The following PACS1 variants were observed in gnomAD, a reference collection of about 807,000 sequenced individuals.
The protein encoded by PACS1 is PACS-1.
PACS1 carries 24 observed loss-of-function variants against 115.0 expected under a neutral mutation model. The ratio of observed to expected loss-of-function variants is 0.21; its 90% CI spans 0.15 to 0.29. The LOEUF (loss-of-function observed/expected upper bound fraction) is 0.29, where lower values mean the gene tolerates loss of function less well. Ranked by LOEUF, PACS1 falls within the 10% of genes least tolerant of loss-of-function variation. PACS1 has a pLI of 1.00. For synonymous variants in PACS1, 453 were observed against 504.5 expected (o/e 0.90, Z 1.37); for missense variants, 838 against 1,251.2 (o/e 0.67, Z 4.98).
At chr11:66,128,395 T>C (rs980777742) in intron 1 of PACS1, among the ~76,000 whole-genome samples, 7 of 152,162 alleles carry the variant, frequency 4.6e-5, no homozygotes, top group African/African-American at 1.7e-4. Context: ...TATTGAAATA[T>C]TTACATATGA....
rs1355368163 is a variant in PACS1 at position 66,070,926 on chromosome 11, G to T, written c.356+84G>T. 7.8e-7 allele frequency: 1 copy of T among 1,286,658 alleles called. No homozygotes were observed. Among genetic ancestry groups the T allele is most frequent in the Non-Finnish European group, 1.0e-6 (1 of 1,001,730 alleles). The allele number at this position is 1,286,658 out of a possible 1,614,324, so 79.7% of individuals were successfully genotyped here. ...CCCTCCCCGCCCCAGCGCCCATGGG[G>T]TCCCCGCCCTCCATCTCCCCGACTG... On this transcript the variant is annotated intron_variant, in intron 1 of 23. Transcript: ENST00000320580. This position sits in a 1 kb window ranked among gnomAD's most constrained non-coding sequence, Gnocchi z 5.9.
chr11:66,233,714 A>G lies in PACS1; in HGVS notation c.1839-71A>G. 6.8e-7 allele frequency: 1 copy of G among 1,465,334 alleles called. No homozygotes were observed. The highest frequency in any genetic ancestry group is 1.4e-5 in the African/African-American group (1 of 70,740). The allele number at this position is 1,465,334 out of a possible 1,614,324, so 90.8% of individuals were successfully genotyped here. The stretch of plus-strand genomic sequence containing the variant: ...TGGGTTGTTGAGATCACAGAAAGTC[A>G]GCTCTGGGCCTCCCCCGGGCAGGAT... On this transcript the variant is annotated intron_variant, in intron 15 of 23. Transcript: ENST00000320580. The surrounding 1 kb of genome is among the most constrained non-coding windows in gnomAD (Gnocchi z 4.5).
At chr11:66,228,347 A>G (rs1855508478) in intron 11 of PACS1, among the ~76,000 whole-genome samples, 1 of 152,120 alleles carries the variant, frequency 6.6e-6, no homozygotes, top group Non-Finnish European at 1.5e-5. Context: ...GAATCTGTGA[A>G]AGAATTATTT....
At chr11:66,119,264 AT>A (rs1440059283) in intron 1 of PACS1, among the ~76,000 whole-genome samples, 1 of 152,226 alleles carries the variant, frequency 6.6e-6, no homozygotes, top group African/African-American at 2.4e-5. Context: ...AAGAGTAGTA[AT>A]ATTTTGTGAC....
At chr11:66,081,791 A>G (rs1044357626) in intron 1 of PACS1, among the ~76,000 whole-genome samples, 19 of 152,238 alleles carry the variant, frequency 1.2e-4, no homozygotes, top group African/African-American at 4.6e-4. Flanking sequence ...GAACCGGTTT[A>G]CAGCTTGCCA....
chr11:66,180,933 G>T (rs1859996707), intron 1 of PACS1, among the ~76,000 whole-genome samples: 1 of 152,028 alleles, frequency 6.6e-6, no homozygotes, highest in Non-Finnish European at 1.5e-5. Context: ...TGCTGGGATT[G>T]CAGGTGTGAG....
chr11:66,141,712 T>TGCCTCAGCCTCCTACGTAATG (rs1343496874), intron 1 of PACS1, among the ~76,000 whole-genome samples: 2 of 151,854 alleles, frequency 1.3e-5, no homozygotes, highest in Non-Finnish European at 2.9e-5. Context: ...GTGATCCTGG[T>TGCCTCAGCCTCCTACGTAATG]GCCTCAGCCT....
At chr11:66,107,186 G>GTCAC (rs1858066682) in intron 1 of PACS1, among the ~76,000 whole-genome samples, 1 of 152,052 alleles carries the variant, frequency 6.6e-6, no homozygotes, top group Non-Finnish European at 1.5e-5. Flanking sequence ...TTCCTCCCAG[G>GTCAC]TCACTCCCTT....
intron 1 of PACS1, among the ~76,000 whole-genome samples, chr11:66,138,897 G>A (rs930462060): frequency 6.6e-6 from 1 of 151,978 alleles, no homozygotes; most frequent in African/African-American, 2.4e-5. Context: ...TGGCCAGGAT[G>A]GTCTCGATAT....
intron 1 of PACS1, among the ~76,000 whole-genome samples, chr11:66,099,604 C>T (rs182105389): frequency 3.4e-5 from 5 of 147,628 alleles, no homozygotes; most frequent in Non-Finnish European, 7.5e-5. Flanking sequence ...GGAGTACAGT[C>T]GCTCGATATC....
At chr11:66,095,641 A>G (rs560487798) in intron 1 of PACS1, among the ~76,000 whole-genome samples, 2 of 152,126 alleles carry the variant, frequency 1.3e-5, no homozygotes, top group Admixed American at 6.5e-5. Context: ...TATTTTTAGT[A>G]GAGACGGAGT....
chr11:66,173,634 C>T (rs1212460755), intron 1 of PACS1, among the ~76,000 whole-genome samples: 6 of 151,864 alleles, frequency 4.0e-5, no homozygotes, highest in South Asian at 2.1e-4. Context: ...CGCTTGAACC[C>T]GGGAGGCAGA....
chr11:66,123,672 C>T (rs1330057503), intron 1 of PACS1, among the ~76,000 whole-genome samples: 2 of 151,962 alleles, frequency 1.3e-5, no homozygotes, highest in Non-Finnish European at 2.9e-5. Flanking sequence ...TAGGCACCTG[C>T]CACCGCGCCC....
Position 66,243,415 on chromosome 11 carries a change from C to T in PACS1, c.*135C>T, listed in dbSNP as rs936781577. 16 of 645,000 alleles carry T rather than the reference C, an allele frequency of 2.5e-5. No individual in the cohort carries two copies. The highest frequency in any genetic ancestry group is 1.4e-4 in the East Asian group (5 of 36,494). The allele number at this position is 645,000 out of a possible 1,614,324, so 40.0% of individuals were successfully genotyped here. On this transcript the variant is annotated 3_prime_UTR_variant, in exon 24 of 24. Transcript: ENST00000320580. ...GTCTGCCTCTCACTCGCCCAGGTCC[C>T]GAAGGACACTGCCACAGGGACGCCT...
intron 1 of PACS1, among the ~76,000 whole-genome samples, chr11:66,097,930 G>C (rs1857823500): frequency 6.6e-6 from 1 of 152,170 alleles, no homozygotes; most frequent in Non-Finnish European, 1.5e-5. Flanking sequence ...TGTAATCCCG[G>C]CACTTTGGGG....
chr11:66,082,942 A>G (rs1353768582), intron 1 of PACS1, among the ~76,000 whole-genome samples: 1 of 152,204 alleles, frequency 6.6e-6, no homozygotes, highest in Non-Finnish European at 1.5e-5. Context: ...GAAACTATGA[A>G]TATGATGGTA....
At chr11:66,101,101 T>C (rs1000032181) in intron 1 of PACS1, among the ~76,000 whole-genome samples, 2 of 152,252 alleles carry the variant, frequency 1.3e-5, no homozygotes, top group Admixed American at 6.5e-5. Flanking sequence ...GTTTTAAGAC[T>C]GGCACAGAAT....
intron 1 of PACS1, among the ~76,000 whole-genome samples, chr11:66,172,642 T>C (rs1362234414): frequency 1.3e-5 from 2 of 152,164 alleles, no homozygotes; most frequent in Admixed American, 6.5e-5. Context: ...TAGGACCACC[T>C]AGCCCAGCTG....
intron 2 of PACS1, among the ~76,000 whole-genome samples, chr11:66,207,803 T>C (rs1377121799): frequency 1.3e-5 from 2 of 152,130 alleles, no homozygotes; most frequent in African/African-American, 2.4e-5. Flanking sequence ...GGAGTCTCGC[T>C]CTGTTGCCCA....
Sources: gnomAD v4.1 joint callset for allele counts (sites outside exome capture counted in the v4.1 genomes callset) on GRCh38, gnomAD v4.1.1 for gene constraint, Gnocchi (gnomAD v3.1) non-coding constraint, MANE v1.5 for transcripts, NCBI Gene and HGNC (gene_info 2026-07-23, HGNC 2026-07-21) for gene names.